PRR11: variants seen among roughly 807,000 people sequenced by gnomAD.
PRR11 encodes proline-rich protein 11.
In PRR11, 30 loss-of-function variants were observed where a neutral mutation model predicts 45.6. The observed-to-expected ratio is 0.66, with a 90% CI of 0.49 to 0.89. The LOEUF (loss-of-function observed/expected upper bound fraction) is 0.89. PRR11 is among the 40% of genes least tolerant of loss of function. PRR11 has a pLI of 0.00. For missense variants in PRR11, 373 were observed against 424.8 expected (o/e 0.88, Z 1.07); for synonymous variants, 128 against 153.5 (o/e 0.83, Z 1.23).
chr17:59,162,917 A>T (rs2046660918), intron 1 of PRR11, among the ~76,000 whole-genome samples: 3 of 151,318 alleles, frequency 2.0e-5, no homozygotes, highest in South Asian at 2.1e-4. Flanking sequence ...TTTAGTAGAG[A>T]TGGCATTTCT....
At chr17:59,182,561 T>A (rs2046793862) in intron 2 of PRR11, among the ~76,000 whole-genome samples, 1 of 151,106 alleles carries the variant, frequency 6.6e-6, no homozygotes, top group South Asian at 2.1e-4. Flanking sequence ...CCTGGCTAAT[T>A]TTTGTACTTT....
intron 2 of PRR11, among the ~76,000 whole-genome samples, chr17:59,173,384 C>G (rs1318217487): frequency 6.6e-6 from 1 of 152,198 alleles, no homozygotes; most frequent in African/African-American, 2.4e-5. Context: ...TTCTTTGGCA[C>G]TTTGCAATGA....
chr17:59,182,760 G>A (rs1456190031), intron 2 of PRR11, among the ~76,000 whole-genome samples: 5 of 151,962 alleles, frequency 3.3e-5, no homozygotes, highest in African/African-American at 7.3e-5. Context: ...TGATGGTCCC[G>A]ACACTTCATC....
chr17:59,175,072 A>G (rs2046736364), intron 2 of PRR11: 1 of 589,886 alleles, frequency 1.7e-6, no homozygotes, highest in East Asian at 4.3e-5. Context: ...TACAGGAAGT[A>G]GAAAATGTTT....
rs1462866511 is a variant in PRR11 at position 59,203,146 on chromosome 17, G to A, written c.*1515G>A. Among the ~76,000 whole-genome samples, 2 of 152,116 alleles carry A rather than the reference G, an allele frequency of 1.3e-5. No homozygotes were observed. The highest frequency in any genetic ancestry group is 2.9e-5 in the Non-Finnish European group (2 of 68,034). ...TCATCAGACTAGAAAGCAGACCTGGGGACAGTGTTTACCACCTAAGAGGCA... is the reference window on the plus strand; with the variant it reads ...TCATCAGACTAGAAAGCAGACCTGGAGACAGTGTTTACCACCTAAGAGGCA... On this transcript the variant is annotated 3_prime_UTR_variant, in exon 10 of 10. Coordinates refer to ENST00000262293, the MANE Select transcript of PRR11 (RefSeq NM_018304.4).
At chr17:59,200,202 C>T (rs1010641791) in intron 9 of PRR11, among the ~76,000 whole-genome samples, 1 of 152,212 alleles carries the variant, frequency 6.6e-6, no homozygotes, top group African/African-American at 2.4e-5. Context: ...ACTTATCCCA[C>T]CCAACCCTTA....
At chr17:59,184,307 C>T (rs1396639958) in intron 2 of PRR11, among the ~76,000 whole-genome samples, 1 of 151,902 alleles carries the variant, frequency 6.6e-6, no homozygotes, top group East Asian at 1.9e-4. Flanking sequence ...ACTAAAAATA[C>T]AAAAAATTAG....
chr17:59,182,944 G>C lies in PRR11; in HGVS notation c.129-2110G>C, dbSNP rs368347439. 2.2e-4 allele frequency among the ~76,000 whole-genome samples: 34 copies of C among 152,294 alleles called. 2 individuals are homozygous for C. The South Asian group carries it at 6.4e-3, about 29-fold the overall frequency. On this transcript the variant is annotated intron_variant, in intron 2 of 9. Transcript: ENST00000262293. Reference sequence around the variant, plus strand: ...TTCTGGACTCTGCTAGGACCCAGAAGGTGTGTTATCAATTCTCGAGGCTGA... The same window carrying C: ...TTCTGGACTCTGCTAGGACCCAGAACGTGTGTTATCAATTCTCGAGGCTGA...
rs150648565 is a variant in PRR11 at position 59,204,893 on chromosome 17, T to C, written c.*3262T>C. Among the ~76,000 whole-genome samples the C allele has an allele frequency of 6.6e-6, 1 of 151,876 alleles. No individual in the cohort carries two copies. Among genetic ancestry groups the C allele is most frequent in the Non-Finnish European group, 1.5e-5 (1 of 67,992 alleles). On this transcript the variant is annotated 3_prime_UTR_variant, in exon 10 of 10. Transcript: ENST00000262293. ...AAAACGAAAAATTAGCCGGGAGCGG[T>C]GATGTGTGCCTGTAGTCCCAGCTAC... is the stretch of plus-strand genomic sequence containing the variant.
rs144054439 is a variant in PRR11 at position 59,196,827 on chromosome 17, T to C, written c.858-717T>C. On this transcript the variant is annotated intron_variant, in intron 7 of 9. Transcript: ENST00000262293. Reference sequence around the variant, plus strand: ...ATATTGGAATGGCTATATCATCTTATGTTCCCATCGGCATCTACTGCTATT... The same window carrying C: ...ATATTGGAATGGCTATATCATCTTACGTTCCCATCGGCATCTACTGCTATT... 3.2e-3 allele frequency among the ~76,000 whole-genome samples: 482 copies of C among 152,222 alleles called. 3 individuals carry two copies. Among genetic ancestry groups the C allele is most frequent in the African/African-American group, 0.011 (468 of 41,552 alleles).
Position 59,206,028 on chromosome 17 carries a change from G to A in PRR11, c.*4397G>A, listed in dbSNP as rs2046916708. ...ATCACACTACTGCACTACAGTCTGGGCAACAGAGTGAGACCTTGTCTCAAA... is the reference window on the plus strand; with the variant it reads ...ATCACACTACTGCACTACAGTCTGGACAACAGAGTGAGACCTTGTCTCAAA... On this transcript the variant is annotated 3_prime_UTR_variant, in exon 10 of 10. Coordinates refer to ENST00000262293, the MANE Select transcript of PRR11 (RefSeq NM_018304.4). Among the ~76,000 whole-genome samples, 1 of 151,166 alleles carries A rather than the reference G, an allele frequency of 6.6e-6. No individual in the cohort carries two copies.
chr17:59,159,978 T>A (rs1288326695), intron 1 of PRR11, among the ~76,000 whole-genome samples: 1 of 152,204 alleles, frequency 6.6e-6, no homozygotes, highest in Non-Finnish European at 1.5e-5. Flanking sequence ...CTGTAAACTC[T>A]TGGAGGGCAG....
intron 9 of PRR11, among the ~76,000 whole-genome samples, chr17:59,198,818 C>T (rs959896800): frequency 2.6e-5 from 4 of 151,924 alleles, no homozygotes; most frequent in Non-Finnish European, 5.9e-5. Context: ...GCCTGGGTGA[C>T]GGAGTGAGAC....
At chr17:59,164,412 G>A (rs1352846532) in intron 1 of PRR11, among the ~76,000 whole-genome samples, 3 of 152,122 alleles carry the variant, frequency 2.0e-5, no homozygotes, top group South Asian at 2.1e-4. Context: ...TGATGGGGCC[G>A]GGCGTAGTGG....
In PRR11 at chr17:59,202,122, T is replaced by C. The variant is rs1418094063; in HGVS notation, c.*491T>C. ...AAGTGTATATACAGATATTTGGATA[T>C]TTTCTAGTTTGCATGATGATTAAGA... On this transcript the variant is annotated 3_prime_UTR_variant, in exon 10 of 10. Transcript: ENST00000262293. 1 of 153,594 alleles carries C rather than the reference T, an allele frequency of 6.5e-6. No individual in the cohort carries two copies. The highest frequency in any genetic ancestry group is 1.5e-5 in the Non-Finnish European group (1 of 68,938). 9.5% of individuals were successfully genotyped at this position (153,594 alleles called of 1,614,324 possible).
rs574149058 is a variant in PRR11, at chr17:59,189,169, G to A, written c.402+3607G>A. 4.6e-5 allele frequency among the ~76,000 whole-genome samples: 7 copies of A among 150,890 alleles called. No individual in the cohort carries two copies. The South Asian group carries it at 6.3e-4, about 14-fold the overall frequency. On this transcript the variant is annotated intron_variant, in intron 4 of 9. Transcript: ENST00000262293. ...ACAAAAATTAGCTGGGCGTGGTGGCGCATGTCCATAGTCCCAGCTACTCAG... is the reference window on the plus strand; with the variant it reads ...ACAAAAATTAGCTGGGCGTGGTGGCACATGTCCATAGTCCCAGCTACTCAG...
chr17:59,193,041 G>A (rs922571802), intron 4 of PRR11, among the ~76,000 whole-genome samples: 17 of 152,100 alleles, frequency 1.1e-4, no homozygotes, highest in Admixed American at 7.2e-4. Context: ...AGCACACTTC[G>A]TTGCTCTTAT....
At chr17:59,174,405 A>C (rs887668178) in intron 2 of PRR11, among the ~76,000 whole-genome samples, 7 of 152,168 alleles carry the variant, frequency 4.6e-5, no homozygotes, top group Admixed American at 3.9e-4. Context: ...ATGTGAACCA[A>C]AGCTTCACTG....
intron 4 of PRR11, among the ~76,000 whole-genome samples, chr17:59,188,191 G>A (rs2046823222): frequency 6.6e-6 from 1 of 152,164 alleles, no homozygotes; most frequent in Non-Finnish European, 1.5e-5. Context: ...GAGGCAATTA[G>A]TAGTCTCTGC....
Sources: allele counts gnomAD v4.1 joint callset (sites outside exome capture counted in the v4.1 genomes callset), GRCh38; gene constraint gnomAD v4.1.1; transcripts MANE v1.5; gene names NCBI Gene and HGNC (gene_info 2026-07-23, HGNC 2026-07-21).